ICAM2: variants seen among roughly 807,000 people sequenced by gnomAD.
ICAM2 encodes ICAM-2.
ICAM2 carries 14 observed loss-of-function variants against 19.1 expected under a neutral mutation model. The ratio of observed to expected loss-of-function variants is 0.73; its 90% CI spans 0.48 to 1.15. The LOEUF (loss-of-function observed/expected upper bound fraction) is 1.15. Among genes scored for constraint, ICAM2 ranks in the 50% most tolerant of loss-of-function variants. The pLI is 0.00. For missense variants in ICAM2, 311 were observed against 355.4 expected (o/e 0.88, Z 1.00); for synonymous variants, 153 against 152.7 (o/e 1.00, Z -0.01).
intron 3 of ICAM2, chr17:64,004,839 G>A (rs1015842870): frequency 2.2e-5 from 12 of 556,838 alleles, no homozygotes; most frequent in Non-Finnish European, 3.6e-5. Context: ...GTTGGGAAAT[G>A]ACTTCTGGAT....
chr17:64,020,274 G>T (rs1911896402), intron 1 of ICAM2: 1 of 152,364 alleles, frequency 6.6e-6, no homozygotes, highest in Non-Finnish European at 1.5e-5. Context: ...GGAGAGAGGG[G>T]AGACAAATCA....
rs1910934730 is a variant in ICAM2 at position 64,003,305 on chromosome 17, C to A, written c.649+339G>T. 3.0e-5 allele frequency: 13 copies of A among 440,120 alleles called. No homozygotes were observed. In the South Asian group the frequency reaches 3.4e-4, roughly 12 times the overall value. The allele number at this position is 440,120 out of a possible 1,614,324, so 27.3% of individuals were successfully genotyped here. A position where few individuals can be genotyped will look rare whatever the true frequency, so the allele number is the denominator to read the frequency against. ...GCCAGGCTCCCTGTGTGCCGGCCGT[C>A]CAGGGTCACCAAGCAGCAGAGCTCT... On this transcript the variant is annotated intron_variant, in intron 4 of 4. Transcript: ENST00000579788.
At chr17:64,013,665 A>G (rs927839595) in intron 1 of ICAM2, among the ~76,000 whole-genome samples, 1 of 152,212 alleles carries the variant, frequency 6.6e-6, no homozygotes, top group African/African-American at 2.4e-5. Flanking sequence ...CTATATTTAT[A>G]TCAGACAAAA....
intron 1 of ICAM2, among the ~76,000 whole-genome samples, chr17:64,019,962 C>T (rs1212679977): frequency 2.0e-5 from 3 of 151,774 alleles, no homozygotes; most frequent in South Asian, 2.1e-4. Flanking sequence ...GCTTTTTATG[C>T]GTTACCTAGT....
intron 1 of ICAM2, among the ~76,000 whole-genome samples, chr17:64,009,333 C>A (rs1276393474): frequency 4.7e-5 from 7 of 150,178 alleles, no homozygotes; most frequent in Non-Finnish European, 1.0e-4. Flanking sequence ...GCATCTTCCT[C>A]CTGCTACTGC....
At chr17:64,008,838 G>T (rs1017067831) in intron 1 of ICAM2, among the ~76,000 whole-genome samples, 1 of 152,176 alleles carries the variant, frequency 6.6e-6, no homozygotes, top group Non-Finnish European at 1.5e-5. Flanking sequence ...TTCTGGAAGG[G>T]ACAGTGCTTG....
At chr17:64,014,711 AAGGAAGGAAGG>A (rs1567849795) in intron 1 of ICAM2, among the ~76,000 whole-genome samples, 341 of 11,374 alleles carry the variant, frequency 0.03, 3 homozygotes, top group East Asian at 0.054. Flanking sequence ...GGAAGGAAGG[AAGGAAGGAAGG>A]AAGAAAGAAA....
At chr17:64,008,462 CAA>C (rs2143208182) in intron 1 of ICAM2, among the ~76,000 whole-genome samples, 1 of 152,262 alleles carries the variant, frequency 6.6e-6, no homozygotes, top group Admixed American at 6.5e-5. Context: ...TTACTTACTA[CAA>C]GTCGGGCACT....
chr17:64,014,372 AAAGAAAGG>A lies in ICAM2; in HGVS notation c.-45+6143_-45+6150del, dbSNP rs1463785373. ...GAAAGAAAGAAAGAAAGAAAGAAAG[AAAGAAAGG>A]AAGGAAGGAAGGAAGGAAGGAAGGA... On this transcript the variant is annotated intron_variant, in intron 1 of 4. Transcript: ENST00000579788. 2.6e-3 allele frequency among the ~76,000 whole-genome samples: 156 copies of A among 59,422 alleles called. 1 individual carries two copies. Among genetic ancestry groups the A allele is most frequent in the African/African-American group, 8.4e-3 (147 of 17,474 alleles). 39.0% of individuals were successfully genotyped at this position (59,422 alleles called of 152,430 possible).
At chr17:64,011,646 C>T (rs1411667674) in intron 1 of ICAM2, among the ~76,000 whole-genome samples, 1 of 152,052 alleles carries the variant, frequency 6.6e-6, no homozygotes, top group Non-Finnish European at 1.5e-5. Context: ...TGTCTGTAAT[C>T]CTAATACTTT....
chr17:64,010,302 A>C (rs77949389), intron 1 of ICAM2, among the ~76,000 whole-genome samples: 1 of 152,174 alleles, frequency 6.6e-6, no homozygotes, highest in Non-Finnish European at 1.5e-5. Context: ...TCCTTCCTGG[A>C]AAATTGTTTT....
chr17:64,017,859 C>G (rs1207902182), intron 1 of ICAM2, among the ~76,000 whole-genome samples: 5 of 151,948 alleles, frequency 3.3e-5, no homozygotes, highest in Non-Finnish European at 7.4e-5. Context: ...ATTGATTAAC[C>G]ATATAGAGAA....
chr17:64,015,480 G>A lies in ICAM2; in HGVS notation c.-45+5043C>T, dbSNP rs550652071. ...CAGGTAATTCCAAGAAAGTGCTTAC[G>A]GCTAATCCCAGCACTTTGGAAGGCT... On this transcript the variant is annotated intron_variant, in intron 1 of 4. Coordinates refer to ENST00000579788, the MANE Select transcript of ICAM2 (RefSeq NM_001099789.2). 1.1e-4 allele frequency among the ~76,000 whole-genome samples: 16 copies of A among 152,152 alleles called. No individual in the cohort carries two copies. The South Asian group carries it at 1.9e-3, about 18-fold the overall frequency.
intron 1 of ICAM2, among the ~76,000 whole-genome samples, chr17:64,009,621 T>C (rs1233207975): frequency 6.6e-6 from 1 of 152,124 alleles, no homozygotes; most frequent in Admixed American, 6.6e-5. Flanking sequence ...AGAGAGTTAC[T>C]GTGGGGCTTG....
chr17:64,005,433 A>C, intron 2 of ICAM2, 60 bp from the exon 3 acceptor site: 3 of 1,567,746 alleles, frequency 1.9e-6, no homozygotes, highest in Non-Finnish European at 2.6e-6. Context: ...CCTCCAGTGG[A>C]GCTGTCCATT....
rs926197957 is a variant in ICAM2 at position 64,003,763 on chromosome 17, C to T, written c.530G>A (p.Ser177Asn). 3.1e-6 allele frequency: 5 copies of T among 1,614,128 alleles called. No homozygotes were observed. In the African/African-American group the frequency reaches 5.3e-5, roughly 17 times the overall value. The change falls in exon 4 of 5, where the codon AGC (serine) becomes AAC (asparagine). Residue 177 changes from serine (S) to asparagine (N), a missense_variant. By Grantham distance (46) the Ser-to-Asn change is conservative. Transcript: ENST00000579788. ...GTGGCCATCCTCTCTGTCAGCCGTG[C>T]TGTTGAATGTGGCTGTGGCCTCCTG... ...APQEATATFNSTADREDGHRN... is the reference protein window; with the variant it reads ...APQEATATFNNTADREDGHRN...
At chr17:64,017,187 G>T (rs1567850680) in intron 1 of ICAM2, among the ~76,000 whole-genome samples, 1 of 152,172 alleles carries the variant, frequency 6.6e-6, no homozygotes, top group African/African-American at 2.4e-5. Flanking sequence ...ATTTGTATAT[G>T]GCGTGACTAC....
chr17:64,005,123 G>A lies in ICAM2; in HGVS notation c.312C>T (p.Ser104=), dbSNP rs1463187215. Residue 104 remains serine, a synonymous_variant, in exon 3 of 5, where the codon TCC becomes TCT. Transcript: ENST00000579788. ...GCCACTCACGGTACACGCTGACGTTGGAATTCATTGACTCCTGCTTCCCGG... is the reference window on the plus strand; with the variant it reads ...GCCACTCACGGTACACGCTGACGTTAGAATTCATTGACTCCTGCTTCCCGG... ...TCSGKQESMN[S]NVSVYQPPRQ... The A allele has an allele frequency of 6.2e-7, 1 of 1,614,122 alleles. No individual in the cohort carries two copies. The highest frequency in any genetic ancestry group is 1.6e-4 in the Middle Eastern group (1 of 6,062).
At position 64,018,713 on chromosome 17, in the gene ICAM2, CTTTTTTTTTTT is replaced by C. The variant is rs67934258; in HGVS notation, c.-45+1799_-45+1809del. Among the ~76,000 whole-genome samples the C allele has an allele frequency of 6.4e-5, 4 of 62,882 alleles. No homozygotes were observed. In the Admixed American group the frequency reaches 8.5e-4, roughly 13 times the overall value. 41.3% of individuals were successfully genotyped at this position (62,882 alleles called of 152,430 possible). On this transcript the variant is annotated intron_variant, in intron 1 of 4. Coordinates refer to ENST00000579788, the MANE Select transcript of ICAM2 (RefSeq NM_001099789.2). ...CAGACATGTCTTTGTGTTTACTTCT[CTTTTTTTTTTT>C]TTTTTTTTTTTTTTTGAGACGGGGT...
Sources: allele counts gnomAD v4.1 joint callset (sites outside exome capture counted in the v4.1 genomes callset), GRCh38; gene constraint gnomAD v4.1.1; transcripts MANE v1.5; gene names NCBI Gene and HGNC (gene_info 2026-07-23, HGNC 2026-07-21).